Variants in DNAJB11 observed in about 807,000 individuals in gnomAD.
DNAJB11 encodes dnaJ homolog subfamily B member 11.
In DNAJB11, 30 loss-of-function variants were observed where a neutral mutation model predicts 47.2. The ratio of observed to expected loss-of-function variants is 0.64; its 90% CI spans 0.48 to 0.86. The LOEUF (loss-of-function observed/expected upper bound fraction) is 0.86, where lower values mean the gene tolerates loss of function less well. Ranked by LOEUF, DNAJB11 falls within the 40% of genes least tolerant of loss-of-function variation. DNAJB11 has a pLI of 0.00. For missense variants in DNAJB11, 357 were observed against 440.2 expected (o/e 0.81, Z 1.69); for synonymous variants, 151 against 159.9 (o/e 0.94, Z 0.42).
intron 3 of DNAJB11, among the ~76,000 whole-genome samples, chr3:186,576,371 G>A (rs1715294645): frequency 6.6e-6 from 1 of 152,174 alleles, no homozygotes; most frequent in Admixed American, 6.5e-5. Flanking sequence ...TTAGGGGAAG[G>A]AATTAGGGTA....
Position 186,574,671 on chromosome 3 carries a change from T to C in DNAJB11, c.226-1169T>C, listed in dbSNP as rs138449590. On this transcript the variant is annotated intron_variant, in intron 2 of 9. Coordinates refer to ENST00000265028, the MANE Select transcript of DNAJB11 (RefSeq NM_016306.6). ...CACTCTCTTGTATACTCAATTTCTA[T>C]TTATCCTTTCAAGGATATCTTAAAT... 4.1e-4 allele frequency among the ~76,000 whole-genome samples: 62 copies of C among 152,346 alleles called. 1 individual carries two copies. The East Asian group carries it at 8.1e-3, about 20-fold the overall frequency.
intron 4 of DNAJB11, chr3:186,580,496 G>A (rs568187681): frequency 6.6e-6 from 1 of 152,306 alleles, no homozygotes; most frequent in South Asian, 2.1e-4. Flanking sequence ...GTAAAATGGG[G>A]ATAATAACAG....
chr3:186,574,795 C>T (rs529346751), intron 2 of DNAJB11, among the ~76,000 whole-genome samples: 108 of 152,258 alleles, frequency 7.1e-4, no homozygotes, highest in Non-Finnish European at 1.4e-3. Context: ...CAACAAGCCC[C>T]GTCTACTTTG....
At chr3:186,577,854 A>T in intron 4 of DNAJB11, 54 bp downstream of exon 4, 46 of 1,480,346 alleles carry the variant, frequency 3.1e-5, no homozygotes, top group Non-Finnish European at 4.2e-5. Context: ...TGCACTTTTG[A>T]CTAAAAATAA....
intron 2 of DNAJB11, 38 bp downstream of exon 2, chr3:186,572,289 G>A: frequency 2.6e-6 from 4 of 1,566,900 alleles, no homozygotes; most frequent in Non-Finnish European, 3.5e-6. Flanking sequence ...AATAAAATCT[G>A]TAGCTCTAGA....
At chr3:186,572,346 TA>T in intron 2 of DNAJB11, 95 bp downstream of exon 2, 1 of 1,147,418 alleles carries the variant, frequency 8.7e-7, no homozygotes, top group Non-Finnish European at 1.2e-6. Context: ...CACATTTATT[TA>T]TTTATTTATT....
intron 2 of DNAJB11, 97 bp downstream of exon 2, chr3:186,572,348 TTTA>T: frequency 8.6e-7 from 1 of 1,160,508 alleles, no homozygotes; most frequent in Non-Finnish European, 1.2e-6. Context: ...CATTTATTTA[TTTA>T]TTTATTTATT....
intron 1 of DNAJB11, among the ~76,000 whole-genome samples, chr3:186,571,852 T>C (rs79094345): frequency 0.019 from 2,913 of 152,320 alleles, 106 homozygotes; most frequent in African/African-American, 0.066. Flanking sequence ...CCACAGATGT[T>C]TTGAATAATC....
chr3:186,575,358 C>T (rs1469940115), intron 2 of DNAJB11, among the ~76,000 whole-genome samples: 9 of 76,272 alleles, frequency 1.2e-4, no homozygotes, highest in African/African-American at 4.5e-4. Flanking sequence ...AATACATGCG[C>T]GCGCGCGCGC....
At position 186,584,682 on chromosome 3, in the gene DNAJB11, C is replaced by G. The variant is rs1311346314; in HGVS notation, c.1012+93C>G. ...AAAAGGATGGCAATAGAAGAACTCT[C>G]CAGTGACATGAGACATCAATCATTA... On this transcript the variant is annotated intron_variant, in intron 9 of 9. Transcript: ENST00000265028. 3.2e-6 allele frequency: 4 copies of G among 1,268,148 alleles called. No individual in the cohort carries two copies. The African/African-American group carries it at 6.5e-5, about 21-fold the overall frequency. 78.6% of individuals were successfully genotyped at this position (1,268,148 alleles called of 1,614,324 possible). A position where few individuals can be genotyped will look rare whatever the true frequency, so the allele number is the denominator to read the frequency against.
chr3:186,580,732 A>G (rs1193552787), intron 4 of DNAJB11: 1 of 152,202 alleles, frequency 6.6e-6, no homozygotes, highest in African/African-American at 2.4e-5. Flanking sequence ...TAGATGTTTG[A>G]CTATTTAAAC....
At chr3:186,582,611 G>A (rs1274881532) in intron 6 of DNAJB11, 105 bp from the exon 7 acceptor site, 1 of 888,658 alleles carries the variant, frequency 1.1e-6, no homozygotes, top group East Asian at 2.7e-5. Flanking sequence ...AGATTTGACA[G>A]GTCAATGCCC....
chr3:186,575,011 T>C lies in DNAJB11; in HGVS notation c.226-829T>C, dbSNP rs546396719. ...TGTTGAAGGCAAATTTTGAAAAGGA[T>C]GGAAGCTTATTTTGTTGTTACATTC... On this transcript the variant is annotated intron_variant, in intron 2 of 9. Coordinates refer to ENST00000265028, the MANE Select transcript of DNAJB11 (RefSeq NM_016306.6). Among the ~76,000 whole-genome samples the C allele has an allele frequency of 1.4e-3, 220 of 152,308 alleles. 1 individual carries two copies. Among genetic ancestry groups the C allele is most frequent in the African/African-American group, 5.1e-3 (214 of 41,566 alleles).
At chr3:186,573,241 A>G (rs566389833) in intron 2 of DNAJB11, among the ~76,000 whole-genome samples, 118 of 152,342 alleles carry the variant, frequency 7.7e-4, no homozygotes, top group Non-Finnish European at 1.2e-3. Flanking sequence ...TTAGGAAGAC[A>G]CAAACCTTGA....
chr3:186,576,308 A>C (rs145083799), intron 3 of DNAJB11, among the ~76,000 whole-genome samples: 127 of 152,326 alleles, frequency 8.3e-4, no homozygotes, highest in Non-Finnish European at 1.4e-3. Flanking sequence ...CCATACCCAG[A>C]GCTGCCTCTC....
At position 186,575,832 on chromosome 3, in the gene DNAJB11, A is replaced by T. The variant is rs1560235257; in HGVS notation, c.226-8A>T. 6.2e-7 allele frequency: 1 copy of T among 1,609,282 alleles called. No individual in the cohort carries two copies. The highest frequency in any genetic ancestry group is 8.5e-7 in the Non-Finnish European group (1 of 1,175,928). ...ATGATCTTTTCCTCCACTGGCTTTT[A>T]TCCCCAGGTTCTGTCAGATAGTGAG... On this transcript the variant is annotated splice_polypyrimidine_tract_variant and splice_region_variant and intron_variant, in intron 2 of 9. Coordinates refer to ENST00000265028, the MANE Select transcript of DNAJB11 (RefSeq NM_016306.6).
Position 186,577,945 on chromosome 3 carries a change from T to C in DNAJB11, c.456+145T>C, listed in dbSNP as rs1397301435. 8.0e-6 allele frequency: 5 copies of C among 626,066 alleles called. No homozygotes were observed. In the East Asian group the frequency reaches 9.5e-5, roughly 12 times the overall value. The allele number at this position is 626,066 out of a possible 1,614,324, so 38.8% of individuals were successfully genotyped here. A position where few individuals can be genotyped will look rare whatever the true frequency, so the allele number is the denominator to read the frequency against. ...CACAAAATTGAATTAATTATAATGCTTGGTTCATGATACACTGATGTCATT... is the reference window on the plus strand; with the variant it reads ...CACAAAATTGAATTAATTATAATGCCTGGTTCATGATACACTGATGTCATT... On this transcript the variant is annotated intron_variant, in intron 4 of 9. Coordinates refer to ENST00000265028, the MANE Select transcript of DNAJB11 (RefSeq NM_016306.6).
chr3:186,572,065 AATG>A (rs1316727855), intron 1 of DNAJB11, 27 bp from the exon 2 acceptor site: 1 of 1,523,136 alleles, frequency 6.6e-7, no homozygotes, highest in Non-Finnish European at 8.8e-7. Context: ...GTAACTCTTT[AATG>A]AAGTATTCTC....
chr3:186,584,361 C>T, intron 8 of DNAJB11, 69 bp from the exon 9 acceptor site: 1 of 1,438,240 alleles, frequency 7.0e-7, no homozygotes, highest in Non-Finnish European at 9.2e-7. Context: ...TACCAGTGCT[C>T]ACTAGAAGCT....
Sources: allele counts gnomAD v4.1 joint callset (sites outside exome capture counted in the v4.1 genomes callset), GRCh38; gene constraint gnomAD v4.1.1; transcripts MANE v1.5; gene names NCBI Gene and HGNC (gene_info 2026-07-23, HGNC 2026-07-21).